The following CAGE1 variants were observed in gnomAD, a reference collection of about 807,000 sequenced individuals.
CAGE1 encodes the protein cancer antigen 1, also known as cancer-associated gene 1 protein.
CAGE1 carries 66 observed loss-of-function variants against 94.9 expected under a neutral mutation model. The observed-to-expected ratio is 0.70, with a 90% CI of 0.57 to 0.85. The LOEUF is 0.85. CAGE1 is among the 40% of genes least tolerant of loss of function. CAGE1 has a pLI of 0.00. For synonymous variants in CAGE1, 319 were observed against 321.0 expected (o/e 0.99, Z 0.07); for missense variants, 865 against 950.4 (o/e 0.91, Z 1.18).
chr6:7,341,333 G>A, intron 11 of CAGE1: 1 of 694,888 alleles, frequency 1.4e-6, no homozygotes, highest in Non-Finnish European at 2.6e-6. Context: ...CCTTACTGGT[G>A]TCCCAGATCA....
rs1759341370 is a variant in CAGE1, at chr6:7,344,493, C to T, written c.2370-10403G>A. ...GGACCTACAGCCCGCCATGCCTGAG[C>T]CTCGCAACCCCTCCATGAGCTCCTG... On this transcript the variant is annotated intron_variant, in intron 11 of 13. Coordinates refer to ENST00000502583, the MANE Select transcript of CAGE1 (RefSeq NM_001170692.2). 3.9e-5 allele frequency among the ~76,000 whole-genome samples: 6 copies of T among 152,380 alleles called. No homozygotes were observed. The South Asian group carries it at 1.0e-3, about 26-fold the overall frequency.
At chr6:7,345,131 ATTG>A (rs1561851646) in intron 11 of CAGE1, among the ~76,000 whole-genome samples, 1 of 41,662 alleles carries the variant, frequency 2.4e-5, no homozygotes, top group Non-Finnish European at 4.4e-5. Context: ...TTAGATCCAT[ATTG>A]CTTTTAGGAG....
At chr6:7,360,926 G>A (rs1009031958) in intron 9 of CAGE1, among the ~76,000 whole-genome samples, 1 of 152,122 alleles carries the variant, frequency 6.6e-6, no homozygotes, top group African/African-American at 2.4e-5. Context: ...CAGCCTGGGT[G>A]ACAGAGCACG....
chr6:7,367,689 A>T (rs1371075287), intron 7 of CAGE1, among the ~76,000 whole-genome samples: 1 of 152,182 alleles, frequency 6.6e-6, no homozygotes, highest in Non-Finnish European at 1.5e-5. Context: ...CCTGTCCTCT[A>T]CAGGCTGGCT....
rs150873354 is a variant in CAGE1 at position 7,376,848 on chromosome 6, G to C, written c.687+1769C>G. Among the ~76,000 whole-genome samples, 211 of 152,198 alleles carry C rather than the reference G, an allele frequency of 1.4e-3. 1 individual carries two copies. The highest frequency in any genetic ancestry group is 4.8e-3 in the African/African-American group (199 of 41,548). ...CTAATTAACTTCTACCCATCCTTTA[G>C]AGCTCAGCTCAATGATCATTTCTTC... On this transcript the variant is annotated intron_variant, in intron 4 of 13. Coordinates refer to ENST00000502583, the MANE Select transcript of CAGE1 (RefSeq NM_001170692.2).
chr6:7,347,528 T>TG (rs1561853768), intron 11 of CAGE1: 5 of 17,682 alleles, frequency 2.8e-4, no homozygotes, highest in Non-Finnish European at 4.5e-4. Context: ...GGGGGGGCGG[T>TG]GGGGGAACTT....
intron 11 of CAGE1, among the ~76,000 whole-genome samples, chr6:7,336,174 A>G (rs1758947653): frequency 1.3e-5 from 2 of 152,262 alleles, no homozygotes; most frequent in South Asian, 4.1e-4. Context: ...CATCAGAGAA[A>G]TAACATGGAA....
Position 7,378,646 on chromosome 6 carries a change from G to A in CAGE1, c.658C>T (p.Pro220Ser), listed in dbSNP as rs1276652333. 1.9e-6 allele frequency: 3 copies of A among 1,599,176 alleles called. No individual in the cohort carries two copies. Among genetic ancestry groups the A allele is most frequent in the Non-Finnish European group, 2.6e-6 (3 of 1,175,420 alleles). The change falls in exon 4 of 14, where the codon CCT becomes TCT. Residue 220 changes from proline (P) to serine (S), a missense_variant. By Grantham distance (74) the Pro-to-Ser change is moderately conservative (BLOSUM62 -1). Transcript: ENST00000502583. ...KSIAKESALN[P>S]SQPPSFLCKT... ...CATAAGAAGCTTGGAGGTTGGCTAG[G>A]GTTGAGGGCAGATTCCTTGGCAATA...
intron 3 of CAGE1, among the ~76,000 whole-genome samples, chr6:7,381,489 C>T (rs1171446472): frequency 6.6e-6 from 1 of 151,432 alleles, no homozygotes; most frequent in African/African-American, 2.4e-5. Context: ...ATGGCAGCCC[C>T]AGTAAACTAC....
chr6:7,364,130 A>G (rs761389900), intron 9 of CAGE1, among the ~76,000 whole-genome samples: 2 of 152,176 alleles, frequency 1.3e-5, no homozygotes, highest in Non-Finnish European at 2.9e-5. Flanking sequence ...AAGCATAGGT[A>G]CTGCTAATGG....
chr6:7,346,233 G>A (rs1759526723), intron 11 of CAGE1, among the ~76,000 whole-genome samples: 1 of 152,146 alleles, frequency 6.6e-6, no homozygotes, highest in African/African-American at 2.4e-5. Context: ...GTTCTTCATG[G>A]ATATAACAGA....
At chr6:7,361,936 C>T (rs1760178240) in intron 9 of CAGE1, among the ~76,000 whole-genome samples, 1 of 152,162 alleles carries the variant, frequency 6.6e-6, no homozygotes, top group South Asian at 2.1e-4. Context: ...GCAGAGAGGC[C>T]GGCAAACTAT....
intron 3 of CAGE1, among the ~76,000 whole-genome samples, chr6:7,383,760 C>G (rs1761018827): frequency 6.6e-6 from 1 of 152,128 alleles, no homozygotes; most frequent in South Asian, 2.1e-4. Context: ...AAACTGACAT[C>G]TTTACAATCT....
intron 4 of CAGE1, among the ~76,000 whole-genome samples, chr6:7,375,726 A>T (rs528599419): frequency 6.6e-6 from 1 of 152,336 alleles, no homozygotes; most frequent in Admixed American, 6.5e-5. Flanking sequence ...TCTAAAATAA[A>T]TAAATAAGTA....
chr6:7,363,726 T>C (rs976913460), intron 9 of CAGE1, among the ~76,000 whole-genome samples: 31 of 152,312 alleles, frequency 2.0e-4, no homozygotes, highest in African/African-American at 6.7e-4. Flanking sequence ...GGCAGGGGTC[T>C]GCCTGTCTCA....
chr6:7,344,997 T>A (rs899575111), intron 11 of CAGE1, among the ~76,000 whole-genome samples: 1 of 152,138 alleles, frequency 6.6e-6, no homozygotes, highest in African/African-American at 2.4e-5. Flanking sequence ...ATCAGCAGGA[T>A]GTGGGTGGGG....
At chr6:7,354,708 A>G (rs1172390912) in intron 11 of CAGE1, among the ~76,000 whole-genome samples, 1 of 152,222 alleles carries the variant, frequency 6.6e-6, no homozygotes. Flanking sequence ...TGTGCATTCA[A>G]TATCTTTTTG....
At chr6:7,328,034 G>T (rs55702000) in intron 13 of CAGE1, among the ~76,000 whole-genome samples, 22,420 of 152,046 alleles carry the variant, frequency 0.15, 1,866 homozygotes, top group South Asian at 0.2. Flanking sequence ...AGCATATGGA[G>T]GCATGCCCTA....
chr6:7,341,302 G>A (rs1759165346), intron 11 of CAGE1: 1 of 672,070 alleles, frequency 1.5e-6, no homozygotes, highest in Non-Finnish European at 2.7e-6. Context: ...GTACCAAAGA[G>A]GAAGCCAGAG....
Sources: allele counts gnomAD v4.1 joint callset (sites outside exome capture counted in the v4.1 genomes callset), GRCh38; gene constraint gnomAD v4.1.1; transcripts MANE v1.5; gene names NCBI Gene and HGNC (gene_info 2026-07-23, HGNC 2026-07-21).